The following ZBTB20 variants were observed in gnomAD, a reference collection of about 807,000 sequenced individuals.
ZBTB20 encodes zinc finger and BTB domain-containing protein 20.
ZBTB20 carries 9 observed loss-of-function variants against 56.9 expected under a neutral mutation model. That is an observed-to-expected ratio of 0.16 (90% CI 0.10 to 0.28). The LOEUF (loss-of-function observed/expected upper bound fraction) is 0.28, where lower values mean the gene tolerates loss of function less well. Among genes scored for constraint, ZBTB20 ranks in the 10% least tolerant of loss-of-function variants. The pLI is 1.00. For synonymous variants in ZBTB20, 417 were observed against 420.7 expected (o/e 0.99, Z 0.11); for missense variants, 655 against 1,003.0 (o/e 0.65, Z 4.69).
intron 6 of ZBTB20, among the ~76,000 whole-genome samples, chr3:114,589,441 G>C (rs1402562): frequency 0.14 from 21,613 of 152,118 alleles, 1,819 homozygotes; most frequent in Admixed American, 0.25. Context: ...AGGTAGTACT[G>C]GTGGCAAAGC....
chr3:114,724,073 C>T (rs1409038093), intron 5 of ZBTB20, among the ~76,000 whole-genome samples: 1 of 151,832 alleles, frequency 6.6e-6, no homozygotes, highest in Non-Finnish European at 1.5e-5. Context: ...CGGGGTTTCA[C>T]CGTGTTAGCC....
intron 2 of ZBTB20, among the ~76,000 whole-genome samples, chr3:115,015,736 T>C (rs183545768): frequency 1.4e-4 from 21 of 152,096 alleles, no homozygotes; most frequent in African/African-American, 5.1e-4. Flanking sequence ...GCTTTTGGGT[T>C]GATTCCATGT....
chr3:115,002,209 T>A (rs1463673280), intron 2 of ZBTB20, among the ~76,000 whole-genome samples: 2 of 151,676 alleles, frequency 1.3e-5, no homozygotes, highest in East Asian at 3.9e-4. Context: ...TGACATTAAA[T>A]TCACAAAATT....
At chr3:114,588,071 T>C (rs892337008) in intron 6 of ZBTB20, among the ~76,000 whole-genome samples, 19 of 152,200 alleles carry the variant, frequency 1.2e-4, no homozygotes, top group African/African-American at 4.6e-4. Flanking sequence ...GTATAGCCTT[T>C]AGTTCATCCT....
chr3:114,421,542 A>G (rs957790447), intron 7 of ZBTB20, among the ~76,000 whole-genome samples: 1 of 152,166 alleles, frequency 6.6e-6, no homozygotes, highest in African/African-American at 2.4e-5. Flanking sequence ...GTAGCCTAAC[A>G]GCTTTTGAAT....
rs578083163 is a variant in ZBTB20, at chr3:114,852,277, T to C, written c.-417+48027A>G. On this transcript the variant is annotated intron_variant, in intron 4 of 11. Transcript: ENST00000675478. ...TTTTATTTTATTTTATTTATTTTAT[T>C]TTTTGAGACAGAGTCTTGCTCTGTT... 2.0e-5 allele frequency among the ~76,000 whole-genome samples: 3 copies of C among 152,216 alleles called. No individual in the cohort carries two copies. In the East Asian group the frequency reaches 5.8e-4, roughly 29 times the overall value.
In ZBTB20 at chr3:114,836,103, T is replaced by C. The variant is rs570052664; in HGVS notation, c.-416-34929A>G. Reference sequence around the variant, plus strand: ...ATAAGGGAAATGAATGAGCTGCTAATGAATAGGGCAAGACATGATTAGAAG... The same window carrying C: ...ATAAGGGAAATGAATGAGCTGCTAACGAATAGGGCAAGACATGATTAGAAG... On this transcript the variant is annotated intron_variant, in intron 4 of 11. Transcript: ENST00000675478. Among the ~76,000 whole-genome samples the C allele has an allele frequency of 2.0e-4, 30 of 152,304 alleles. No homozygotes were observed. The East Asian group carries it at 5.6e-3, about 28-fold the overall frequency.
At chr3:114,580,056 C>T (rs1043805896) in intron 6 of ZBTB20, among the ~76,000 whole-genome samples, 2 of 151,626 alleles carry the variant, frequency 1.3e-5, no homozygotes, top group Non-Finnish European at 3.0e-5. Flanking sequence ...CACAGCAAAA[C>T]TCTATAGTAA....
At chr3:114,929,465 A>C (rs544874716) in intron 3 of ZBTB20, among the ~76,000 whole-genome samples, 2 of 152,352 alleles carry the variant, frequency 1.3e-5, no homozygotes, top group East Asian at 3.9e-4. Flanking sequence ...CAAGATGACA[A>C]CACAGCAAGA....
intron 4 of ZBTB20, among the ~76,000 whole-genome samples, chr3:114,810,588 C>T (rs1449679265): frequency 6.6e-6 from 1 of 152,168 alleles, no homozygotes; most frequent in Non-Finnish European, 1.5e-5. Context: ...CTGTGGGCTC[C>T]TAACTGTGCT....
intron 4 of ZBTB20, among the ~76,000 whole-genome samples, chr3:114,808,371 T>C (rs1281909321): frequency 6.6e-6 from 1 of 152,092 alleles, no homozygotes; most frequent in Non-Finnish European, 1.5e-5. Flanking sequence ...GTTCATAGTA[T>C]AGTATGAGAT....
chr3:114,758,046 T>C (rs1338841643), intron 5 of ZBTB20, among the ~76,000 whole-genome samples: 1 of 152,168 alleles, frequency 6.6e-6, no homozygotes, highest in Non-Finnish European at 1.5e-5. Context: ...AAGCACTATT[T>C]TTCCAGTCAC....
chr3:114,805,299 C>T lies in ZBTB20; in HGVS notation c.-416-4125G>A, dbSNP rs927446325. 5.8e-4 allele frequency among the ~76,000 whole-genome samples: 88 copies of T among 151,932 alleles called. 1 individual carries two copies. The highest frequency in any genetic ancestry group is 5.6e-3 in the Admixed American group (85 of 15,220). ...AAATCCAATCCAGGATACCATACTG[C>T]ATTTTAATTGCCATGTCTCCTCAGT... On this transcript the variant is annotated intron_variant, in intron 4 of 11. Transcript: ENST00000675478.
intron 2 of ZBTB20, among the ~76,000 whole-genome samples, chr3:114,978,588 T>C (rs2078202156): frequency 6.6e-6 from 1 of 151,596 alleles, no homozygotes; most frequent in Admixed American, 6.6e-5. Flanking sequence ...ATTTAATAAT[T>C]TTTCTCTATA....
intron 5 of ZBTB20, among the ~76,000 whole-genome samples, chr3:114,774,331 A>T (rs903286831): frequency 3.3e-5 from 5 of 152,156 alleles, no homozygotes; most frequent in African/African-American, 7.2e-5. Flanking sequence ...AAATATACTG[A>T]GCTAAAAATT....
At chr3:115,110,190 C>T (rs990094027) in intron 1 of ZBTB20, among the ~76,000 whole-genome samples, 1 of 146,890 alleles carries the variant, frequency 6.8e-6, no homozygotes, top group East Asian at 2.0e-4. Context: ...CCAGCCTGGG[C>T]GATAGGGACT....
At chr3:114,504,345 T>A (rs1227351249) in intron 6 of ZBTB20, among the ~76,000 whole-genome samples, 1 of 152,056 alleles carries the variant, frequency 6.6e-6, no homozygotes, top group East Asian at 1.9e-4. Context: ...GAGAAATAAA[T>A]CCTTCCCAAA....
chr3:114,981,518 CAA>C (rs2078327042), intron 2 of ZBTB20, among the ~76,000 whole-genome samples: 1 of 151,958 alleles, frequency 6.6e-6, no homozygotes, highest in Non-Finnish European at 1.5e-5. Context: ...AAGGCAGAGT[CAA>C]AGAGAAATCT....
chr3:115,109,138 A>G (rs2083804373), intron 1 of ZBTB20, among the ~76,000 whole-genome samples: 3 of 152,270 alleles, frequency 2.0e-5, no homozygotes, highest in African/African-American at 4.8e-5. Flanking sequence ...TGCCTGGTCA[A>G]TCCTCTCTAC....
Sources: allele counts gnomAD v4.1 joint callset (sites outside exome capture counted in the v4.1 genomes callset), GRCh38; gene constraint gnomAD v4.1.1; transcripts MANE v1.5; gene names NCBI Gene and HGNC (gene_info 2026-07-23, HGNC 2026-07-21).